FCRL5: variants seen among roughly 807,000 people sequenced by gnomAD.
FCRL5 encodes the protein Fc receptor-like protein 5.
A neutral mutation model predicts 92.1 loss-of-function variants in FCRL5; 79 were observed. That is an observed-to-expected ratio of 0.86 (90% confidence interval 0.72 to 1.03). The LOEUF is 1.03. Among genes scored for constraint, FCRL5 ranks in the 50% least tolerant of loss-of-function variants. The pLI is 0.00. For missense variants in FCRL5, 1,160 were observed against 1,181.1 expected (o/e 0.98, Z 0.26); for synonymous variants, 466 against 469.3 (o/e 0.99, Z 0.09).
At chr1:157,524,127 G>T in intron 10 of FCRL5, 152 bp downstream of exon 10, 2 of 706,464 alleles carry the variant, frequency 2.8e-6, no homozygotes, top group South Asian at 2.1e-5. Flanking sequence ...AAGGATCCGA[G>T]ACTTTCACAG....
intron 1 of FCRL5, among the ~76,000 whole-genome samples, chr1:157,551,818 G>T (rs1007798514): frequency 4.6e-5 from 7 of 152,160 alleles, no homozygotes; most frequent in African/African-American, 1.7e-4. Flanking sequence ...GTCCACCTAC[G>T]CCTCTGCGAC....
At chr1:157,539,424 A>G in intron 6 of FCRL5, 60 bp from the exon 7 acceptor site, 2 of 1,477,850 alleles carry the variant, frequency 1.4e-6, no homozygotes, top group Non-Finnish European at 1.8e-6. Flanking sequence ...GTTTTCATAA[A>G]AGGAAAATAA....
In FCRL5 at chr1:157,519,764, T is replaced by A; in HGVS notation, c.2639A>T (p.Lys880Met). The A allele has an allele frequency of 6.2e-7, 1 of 1,614,016 alleles. No individual in the cohort carries two copies. Among genetic ancestry groups the A allele is most frequent in the East Asian group, 2.2e-5 (1 of 44,872 alleles). Residue 880 changes from lysine (K) to methionine (M), a missense_variant, in exon 13 of 17, where the codon AAG becomes ATG. Lys to Met is a moderately conservative substitution (Grantham distance 95). Coordinates refer to ENST00000361835, the MANE Select transcript of FCRL5 (RefSeq NM_031281.3). The stretch of plus-strand genomic sequence containing the variant: ...TTACCTGGCGGGGTCAGAGGCAGGC[T>A]TTCTCCCTGTAAAGGAAAGCAGAGG... ...YCWLSRKAGR[K>M]PASDPARSPS...
chr1:157,516,102 A>G, intron 15 of FCRL5: 1 of 617,218 alleles, frequency 1.6e-6, no homozygotes, highest in East Asian at 2.7e-5. Context: ...TTTGTGGCCC[A>G]CTCTGAGCTG....
At position 157,515,067 on chromosome 1, in the gene FCRL5, G is replaced by A. The variant is rs895816050; in HGVS notation, c.*608C>T. ...GCAGGTAGACACTGACACATGAGCA[G>A]GAGAGAAGTTACCTTGGTGTCAAGT... On this transcript the variant is annotated 3_prime_UTR_variant, in exon 17 of 17. Transcript: ENST00000361835. 2 of 159,878 alleles carry A rather than the reference G, an allele frequency of 1.3e-5. No homozygotes were observed. Among genetic ancestry groups the A allele is most frequent in the East Asian group, 1.8e-4 (1 of 5,664 alleles). The allele number at this position is 159,878 out of a possible 1,614,324, so 9.9% of individuals were successfully genotyped here.
At chr1:157,526,429 A>G (rs1292407505) in intron 9 of FCRL5, among the ~76,000 whole-genome samples, 1 of 152,150 alleles carries the variant, frequency 6.6e-6, no homozygotes, top group African/African-American at 2.4e-5. Context: ...GGGGTAGTGT[A>G]TGGAGGTATA....
At chr1:157,521,531 AG>A in intron 10 of FCRL5, 1 of 450,452 alleles carries the variant, frequency 2.2e-6, no homozygotes, top group South Asian at 4.1e-5. Flanking sequence ...AAATATATAC[AG>A]AGATTCTCAT....
Position 157,521,186 on chromosome 1 carries a change from G to A in FCRL5, c.2346C>T (p.Ile782=). 1 of 1,614,120 alleles carries A rather than the reference G, an allele frequency of 6.2e-7. No individual in the cohort carries two copies. The highest frequency in any genetic ancestry group is 2.2e-5 in the East Asian group (1 of 44,866). ...CATCCTCATGAAAAAACCGGTACAG[G>A]ATCAGGGGAGAGCCTCTCAGGGCCT... ...HCEALRGSPL[I]LYRFFHEDVT... is the part of the protein sequence containing the mutation. The change falls in exon 11 of 17, where the codon ATC becomes ATT. Residue 782 remains isoleucine, a synonymous_variant. Coordinates refer to ENST00000361835, the MANE Select transcript of FCRL5 (RefSeq NM_031281.3).
At chr1:157,521,327 C>A (rs961916422) in intron 10 of FCRL5, 35 bp from the exon 11 acceptor site, 4 of 1,559,328 alleles carry the variant, frequency 2.6e-6, no homozygotes, top group Non-Finnish European at 3.5e-6. Flanking sequence ...GCAGTTTCTG[C>A]TTCTAACATA....
intron 3 of FCRL5, chr1:157,546,281 C>G (rs1157138884): frequency 2.2e-6 from 1 of 453,360 alleles, no homozygotes; most frequent in African/African-American, 2.0e-5. Flanking sequence ...AATCCCATCT[C>G]TGCTAAGAAT....
chr1:157,519,907 G>A, intron 12 of FCRL5, 137 bp from the exon 13 acceptor site: 1 of 893,974 alleles, frequency 1.1e-6, no homozygotes, highest in African/African-American at 1.7e-5. Flanking sequence ...ATGCCCCAGG[G>A]AGGTAGCAGA....
intron 1 of FCRL5, among the ~76,000 whole-genome samples, chr1:157,550,056 G>A (rs146743043): frequency 4.8e-4 from 73 of 152,212 alleles, no homozygotes; most frequent in African/African-American, 1.7e-3. Flanking sequence ...GTGAGAACAT[G>A]AGTCTGCAGG....
intron 6 of FCRL5, chr1:157,542,543 G>C (rs1651315442): frequency 3.0e-6 from 1 of 335,038 alleles, no homozygotes; most frequent in Non-Finnish European, 5.5e-6. Context: ...ATAATATAGT[G>C]AATGAAAATC....
At chr1:157,530,726 T>G (rs1650659582) in intron 8 of FCRL5, among the ~76,000 whole-genome samples, 1 of 152,252 alleles carries the variant, frequency 6.6e-6, no homozygotes, top group Non-Finnish European at 1.5e-5. Context: ...CATTTAAGCA[T>G]TTTCCCATTA....
At chr1:157,540,527 A>T (rs962675194) in intron 6 of FCRL5, among the ~76,000 whole-genome samples, 1 of 138,296 alleles carries the variant, frequency 7.2e-6, no homozygotes, top group African/African-American at 3.1e-5. Context: ...TCCATGTTTA[A>T]AAAAAAAAAA....
chr1:157,547,104 A>T lies in FCRL5; in HGVS notation c.146T>A (p.Phe49Tyr). ...RVTLTCKGFR[F>Y]YSPQKTKWYH... ...CCATTTTGTTTTCTGTGGTGAGTAG[A>T]AGCGAAATCCCTTGCAAGTGAGGGT... The change falls in exon 3 of 17, where the codon TTC becomes TAC. Residue 49 changes from phenylalanine to tyrosine, a missense_variant. Transcript: ENST00000361835. 6.2e-7 allele frequency: 1 copy of T among 1,614,178 alleles called. No homozygotes were observed. The highest frequency in any genetic ancestry group is 8.5e-7 in the Non-Finnish European group (1 of 1,180,038).
rs60729773 is a variant in FCRL5, at chr1:157,522,990, G to A, written c.2239+1289C>T. 8.5e-3 allele frequency among the ~76,000 whole-genome samples: 1,295 copies of A among 152,288 alleles called. 23 individuals carry two copies. The highest frequency in any genetic ancestry group is 0.029 in the African/African-American group (1,190 of 41,546). On this transcript the variant is annotated intron_variant, in intron 10 of 16. Transcript: ENST00000361835. ...CTCAGGAAAATTGGATGAGGTTGGT[G>A]CTGCTGGTGGGGGAAGAAGAACGAG...
At chr1:157,526,632 G>A (rs573306881) in intron 9 of FCRL5, among the ~76,000 whole-genome samples, 1 of 152,276 alleles carries the variant, frequency 6.6e-6, no homozygotes, top group East Asian at 1.9e-4. Flanking sequence ...TATGGGGAGG[G>A]AAGTCCTCTC....
Position 157,542,722 on chromosome 1 carries a change from C to T in FCRL5, c.1123+137G>A, listed in dbSNP as rs769771506. 373 of 1,063,922 alleles carry T rather than the reference C, an allele frequency of 3.5e-4. 1 individual carries two copies. Among genetic ancestry groups the T allele is most frequent in the Non-Finnish European group, 4.7e-4 (341 of 729,746 alleles). 65.9% of individuals were successfully genotyped at this position (1,063,922 alleles called of 1,614,324 possible). ...GAGGCAGACAGCTGGTTCAGTGAGC[C>T]GGAGAGTGGAGGAGGACATTAGGTT... On this transcript the variant is annotated intron_variant, in intron 6 of 16. Coordinates refer to ENST00000361835, the MANE Select transcript of FCRL5 (RefSeq NM_031281.3).
Sources: allele counts gnomAD v4.1 joint callset (sites outside exome capture counted in the v4.1 genomes callset), GRCh38; gene constraint gnomAD v4.1.1; transcripts MANE v1.5; gene names NCBI Gene and HGNC (gene_info 2026-07-23, HGNC 2026-07-21).